RRAGD: variants seen among roughly 807,000 people sequenced by gnomAD.
RRAGD encodes the protein Ras related GTP binding D.
In RRAGD, 12 loss-of-function variants were observed where a neutral mutation model predicts 35.5. The observed-to-expected ratio is 0.34, with a 90% CI of 0.22 to 0.55. The LOEUF is 0.55. RRAGD is among the 20% of genes least tolerant of loss of function. RRAGD has a pLI of 0.91. For synonymous variants in RRAGD, 155 were observed against 178.9 expected (o/e 0.87, Z 1.07); for missense variants, 324 against 490.1 (o/e 0.66, Z 3.20).
At chr6:89,409,738 G>T (rs1330220081) in intron 1 of RRAGD, among the ~76,000 whole-genome samples, 1 of 152,122 alleles carries the variant, frequency 6.6e-6, no homozygotes, top group Non-Finnish European at 1.5e-5. Context: ...GTCCTGACAA[G>T]GGATTCTGCA....
intron 2 of RRAGD, among the ~76,000 whole-genome samples, chr6:89,383,987 TGGC>T (rs1282924243): frequency 3.3e-5 from 5 of 150,962 alleles, no homozygotes; most frequent in African/African-American, 1.2e-4. Flanking sequence ...CTGGGTGTGG[TGGC>T]TACTCAGGAG....
intron 1 of RRAGD, among the ~76,000 whole-genome samples, chr6:89,402,250 G>C (rs545959522): frequency 1.3e-5 from 2 of 151,878 alleles, no homozygotes; most frequent in Non-Finnish European, 2.9e-5. Context: ...GCTTCACCAT[G>C]TTGGCCAGGC....
chr6:89,404,175 C>A lies in RRAGD; in HGVS notation c.148+7671G>T, dbSNP rs1052492866. On this transcript the variant is annotated intron_variant, in intron 1 of 6. Coordinates refer to ENST00000369415, the MANE Select transcript of RRAGD (RefSeq NM_021244.5). ...TTCCTATTAGTCTAAAATTTGGGCC[C>A]AATGGCCTGTGTAACACAAAGTATA... Among the ~76,000 whole-genome samples the A allele has an allele frequency of 2.6e-5, 4 of 152,224 alleles. No homozygotes were observed. In the East Asian group the frequency reaches 7.7e-4, roughly 29 times the overall value.
chr6:89,372,997 G>A (rs1768878422), intron 5 of RRAGD, among the ~76,000 whole-genome samples: 1 of 152,244 alleles, frequency 6.6e-6, no homozygotes, highest in Non-Finnish European at 1.5e-5. Flanking sequence ...TGAAAGCCAA[G>A]TGCTAGACTG....
chr6:89,382,767 T>C (rs1769069362), intron 2 of RRAGD, among the ~76,000 whole-genome samples: 1 of 151,034 alleles, frequency 6.6e-6, no homozygotes, highest in African/African-American at 2.4e-5. Flanking sequence ...TCCCAGCTAC[T>C]CAGGAGGCTG....
chr6:89,381,968 G>A lies in RRAGD; in HGVS notation c.445-1601C>T, dbSNP rs1404839367. On this transcript the variant is annotated intron_variant, in intron 2 of 6. Transcript: ENST00000369415. ...CCCTCACCAACAATTGGTGGTGTCA[G>A]ATCTCTTATTGCCAATTTGAAGGGT... 2.0e-5 allele frequency among the ~76,000 whole-genome samples: 3 copies of A among 151,408 alleles called. No individual in the cohort carries two copies. In the East Asian group the frequency reaches 5.8e-4, roughly 29 times the overall value.
chr6:89,372,206 T>C (rs1768863936), intron 6 of RRAGD, among the ~76,000 whole-genome samples: 1 of 152,178 alleles, frequency 6.6e-6, no homozygotes, highest in Non-Finnish European at 1.5e-5. Flanking sequence ...CACTTCCACC[T>C]CGCTGCAATC....
chr6:89,392,788 A>G (rs1769261707), intron 1 of RRAGD, among the ~76,000 whole-genome samples: 2 of 152,242 alleles, frequency 1.3e-5, no homozygotes, highest in South Asian at 4.1e-4. Context: ...CAGATAAGAC[A>G]ATGACTGAAT....
chr6:89,402,038 A>ATTTTGTTTTTTTTTT (rs1769477252), intron 1 of RRAGD, among the ~76,000 whole-genome samples: 1 of 78,440 alleles, frequency 1.3e-5, no homozygotes, highest in African/African-American at 6.3e-5. Flanking sequence ...AATCCTAAGG[A>ATTTTGTTTTTTTTTT]TTTTTTTTTT....
chr6:89,406,754 G>A (rs1769586858), intron 1 of RRAGD, among the ~76,000 whole-genome samples: 1 of 152,184 alleles, frequency 6.6e-6, no homozygotes, highest in Non-Finnish European at 1.5e-5. Context: ...GTCTAACTGA[G>A]CTGGTTAACA....
rs942282411 is a variant in RRAGD, at chr6:89,406,583, A to G, written c.148+5263T>C. Among the ~76,000 whole-genome samples, 5 of 152,284 alleles carry G rather than the reference A, an allele frequency of 3.3e-5. No individual in the cohort carries two copies. The South Asian group carries it at 1.0e-3, about 32-fold the overall frequency. ...GAAAACAGCTGCCTGACTCCAGGGA[A>G]AAACCGTCTCCCTTCTGGCTCCCCT... On this transcript the variant is annotated intron_variant, in intron 1 of 6. Transcript: ENST00000369415.
At chr6:89,388,643 T>C (rs933716176) in intron 1 of RRAGD, among the ~76,000 whole-genome samples, 5 of 152,164 alleles carry the variant, frequency 3.3e-5, no homozygotes, top group Non-Finnish European at 5.9e-5. Flanking sequence ...GGGACCAGTT[T>C]TGTGGAAAAC....
rs575091198 is a variant in RRAGD, at chr6:89,367,824, G to A, written c.*232C>T. On this transcript the variant is annotated 3_prime_UTR_variant, in exon 7 of 7. Transcript: ENST00000369415. ...CTACAGACCATAAAAGTTTACATTT[G>A]TGTAATGAAATGACAATGGATTTCA... The A allele has an allele frequency of 2.7e-6, 1 of 375,964 alleles. No individual in the cohort carries two copies. The highest frequency in any genetic ancestry group is 2.1e-5 in the African/African-American group (1 of 48,340). 23.3% of individuals were successfully genotyped at this position (375,964 alleles called of 1,614,324 possible).
chr6:89,391,221 C>CA (rs777107199), intron 1 of RRAGD, among the ~76,000 whole-genome samples: 5 of 150,510 alleles, frequency 3.3e-5, no homozygotes, highest in Non-Finnish European at 7.4e-5. Context: ...CCCATCTCTA[C>CA]AAAAACTTTA....
chr6:89,387,638 G>C, intron 1 of RRAGD, 48 bp from the exon 2 acceptor site: 1 of 1,520,160 alleles, frequency 6.6e-7, no homozygotes, highest in South Asian at 1.2e-5. Flanking sequence ...TTTCACAGAG[G>C]TTAATTAGAG....
chr6:89,409,256 G>A (rs891381439), intron 1 of RRAGD, among the ~76,000 whole-genome samples: 1 of 152,168 alleles, frequency 6.6e-6, no homozygotes, highest in Admixed American at 6.5e-5. Context: ...CACAGCTCCT[G>A]ATAAATTGCT....
chr6:89,406,840 C>T (rs760740043), intron 1 of RRAGD, among the ~76,000 whole-genome samples: 2 of 152,030 alleles, frequency 1.3e-5, no homozygotes, highest in African/African-American at 2.4e-5. Context: ...TGTAAACATC[C>T]ACCCCTAGAC....
chr6:89,380,262 G>C lies in RRAGD; in HGVS notation c.550C>G (p.Leu184Val). Reference protein sequence around the residue: ...FEVFIHKVDGLSDDHKIETQR... With the variant: ...FEVFIHKVDGVSDDHKIETQR... ...GTTTCAATTTTGTGGTCATCTGACA[G>C]ACCATCCACTTTATGAATAAACACC... The change falls in exon 3 of 7, where the codon CTG becomes GTG. Residue 184 changes from leucine (L) to valine (V), a missense_variant. Leu to Val is a conservative substitution (Grantham distance 32). Transcript: ENST00000369415. 2 of 1,614,218 alleles carry C rather than the reference G, an allele frequency of 1.2e-6. No homozygotes were observed. The highest frequency in any genetic ancestry group is 1.7e-6 in the Non-Finnish European group (2 of 1,180,024).
chr6:89,371,497 G>C lies in RRAGD; in HGVS notation c.1051+940C>G, dbSNP rs549215971. Among the ~76,000 whole-genome samples the C allele has an allele frequency of 6.6e-5, 10 of 152,218 alleles. No homozygotes were observed. In the East Asian group the frequency reaches 1.9e-3, roughly 29 times the overall value. ...GAGCGAGATCCTGTCTCAAAAAAGA[G>C]AGAGAAAGGGAGAAAGAAAATCCCA... On this transcript the variant is annotated intron_variant, in intron 6 of 6. Transcript: ENST00000369415.
Sources: gnomAD v4.1 joint callset for allele counts (sites outside exome capture counted in the v4.1 genomes callset) on GRCh38, gnomAD v4.1.1 for gene constraint, MANE v1.5 for transcripts, NCBI Gene and HGNC (gene_info 2026-07-23, HGNC 2026-07-21) for gene names.